The following SPECC1 variants were observed in gnomAD, a reference collection of about 807,000 sequenced individuals.
The protein encoded by SPECC1 is sperm antigen with calponin homology and coiled-coil domains 1.
SPECC1 carries 62 observed loss-of-function variants against 104.1 expected under a neutral mutation model. The observed-to-expected ratio is 0.60, with a 90% CI of 0.49 to 0.74. The LOEUF is 0.74. Among genes scored for constraint, SPECC1 ranks in the 30% least tolerant of loss-of-function variants. The probability of loss-of-function intolerance (pLI) is 0.00; values close to 1 mark genes in which losing one functional copy is unlikely to be tolerated. For missense variants in SPECC1, 1,306 were observed against 1,310.5 expected, an observed-to-expected ratio of 1.00 and a Z score of 0.05; for synonymous variants, 513 against 501.6, an observed-to-expected ratio of 1.02 and a Z score of -0.30.
chr17:20,263,495 G>A (rs2040106409), intron 12 of SPECC1, among the ~76,000 whole-genome samples: 1 of 151,244 alleles, frequency 6.6e-6, no homozygotes, highest in Admixed American at 6.6e-5. Flanking sequence ...TTGTGCAGAT[G>A]TACCATAGAA....
chr17:20,227,685 C>A (rs566056340), intron 5 of SPECC1, 65 bp downstream of exon 5: 167 of 1,468,288 alleles, frequency 1.1e-4, no homozygotes, highest in Non-Finnish European at 1.5e-4. Flanking sequence ...GAGGCTGAGG[C>A]AGGAGGATCA....
At chr17:20,218,316 A>G (rs1219306174) in intron 4 of SPECC1, among the ~76,000 whole-genome samples, 1 of 152,042 alleles carries the variant, frequency 6.6e-6, no homozygotes, top group African/African-American at 2.4e-5. Flanking sequence ...AGATTATGAA[A>G]CAGAGGCAGA....
chr17:20,031,475 A>G (rs1483948055), intron 1 of SPECC1, among the ~76,000 whole-genome samples: 2 of 152,126 alleles, frequency 1.3e-5, no homozygotes, highest in Non-Finnish European at 2.9e-5. Flanking sequence ...GCCCGCCACC[A>G]CACCCAGCTA....
intron 13 of SPECC1, among the ~76,000 whole-genome samples, chr17:20,304,891 A>G (rs2041712897): frequency 6.6e-6 from 1 of 152,072 alleles, no homozygotes. Flanking sequence ...TAGGACTTAA[A>G]AGCAACAGTC....
chr17:20,288,544 C>T (rs2041039598), intron 12 of SPECC1, among the ~76,000 whole-genome samples: 1 of 152,178 alleles, frequency 6.6e-6, no homozygotes. Context: ...TACCATGTCA[C>T]ACCAGCCAGA....
intron 12 of SPECC1, among the ~76,000 whole-genome samples, chr17:20,274,645 TA>T (rs923213080): frequency 6.6e-6 from 1 of 151,564 alleles, no homozygotes; most frequent in Non-Finnish European, 1.5e-5. Context: ...CACACCTGGC[TA>T]ATTTTTTGTG....
chr17:20,086,743 C>T (rs2047193751), intron 1 of SPECC1, among the ~76,000 whole-genome samples: 1 of 152,132 alleles, frequency 6.6e-6, no homozygotes, highest in African/African-American at 2.4e-5. Context: ...TGGAGGGTCC[C>T]TTTTTTGCGT....
Position 20,194,506 on chromosome 17 carries a change from T to A in SPECC1, c.284-9827T>A, listed in dbSNP as rs1002824604. Among the ~76,000 whole-genome samples the A allele has an allele frequency of 3.3e-4, 40 of 120,634 alleles. 5 individuals carry two copies. Among genetic ancestry groups the A allele is most frequent in the South Asian group, 2.2e-3 (7 of 3,214 alleles). The allele number at this position is 120,634 out of a possible 152,430, so 79.1% of individuals were successfully genotyped here. A position where few individuals can be genotyped will look rare whatever the true frequency, so the allele number is the denominator to read the frequency against. On this transcript the variant is annotated intron_variant, in intron 3 of 14. Coordinates refer to ENST00000395527, the MANE Select transcript of SPECC1 (RefSeq NM_001243439.2). ...TTCTGTTAGAAAAGAGAACGAATTTTTTTTTTTTTTTTTTTTTTTGAGACA... is the reference window on the plus strand; with the variant it reads ...TTCTGTTAGAAAAGAGAACGAATTTATTTTTTTTTTTTTTTTTTTGAGACA...
intron 3 of SPECC1, among the ~76,000 whole-genome samples, chr17:20,135,940 C>G (rs2029908862): frequency 6.6e-6 from 1 of 152,134 alleles, no homozygotes; most frequent in Admixed American, 6.6e-5. Context: ...TGACCTTAAG[C>G]AAATTAACCT....
chr17:20,069,298 T>C (rs922115156), intron 1 of SPECC1, among the ~76,000 whole-genome samples: 4 of 152,264 alleles, frequency 2.6e-5, no homozygotes, highest in Non-Finnish European at 5.9e-5. Flanking sequence ...TTCTTTTTTA[T>C]GGCTGCATGT....
At chr17:20,179,641 G>A (rs1042823747) in intron 3 of SPECC1, among the ~76,000 whole-genome samples, 4 of 152,180 alleles carry the variant, frequency 2.6e-5, no homozygotes, top group East Asian at 1.9e-4. Context: ...ATAATTCAGC[G>A]AACCAGGGCA....
intron 3 of SPECC1, among the ~76,000 whole-genome samples, chr17:20,116,989 A>C (rs1479681415): frequency 1.3e-5 from 2 of 151,776 alleles, no homozygotes; most frequent in East Asian, 1.9e-4. Flanking sequence ...TAGCAGAATA[A>C]ATATTCTAGA....
chr17:20,316,743 C>A lies in SPECC1; in HGVS notation c.*2678C>A. On this transcript the variant is annotated 3_prime_UTR_variant, in exon 15 of 15. Coordinates refer to ENST00000395527, the MANE Select transcript of SPECC1 (RefSeq NM_001243439.2). ...ACAGAGTCTTGCTCTGTCGCCCAGG[C>A]TGGAGTGCCAGTGGCGCGATTTCAG... 1 of 195,832 alleles carries A rather than the reference C, an allele frequency of 5.1e-6. No homozygotes were observed. The highest frequency in any genetic ancestry group is 1.1e-5 in the Non-Finnish European group (1 of 94,266). 12.1% of individuals were successfully genotyped at this position (195,832 alleles called of 1,614,324 possible).
At position 20,317,081 on chromosome 17, in the gene SPECC1, G is replaced by C. The variant is rs2042050666; in HGVS notation, c.*3016G>C. The C allele has an allele frequency of 5.3e-6, 1 of 186,922 alleles. No individual in the cohort carries two copies. The highest frequency in any genetic ancestry group is 8.5e-5 in the East Asian group (1 of 11,796). The allele number at this position is 186,922 out of a possible 1,614,324, so 11.6% of individuals were successfully genotyped here. Reference sequence around the variant, plus strand: ...TTTTTTTTTTTTTTATTTGCCAGTGGTGTGCATGTAGAAGAGGAATGCCAT... The same window carrying C: ...TTTTTTTTTTTTTTATTTGCCAGTGCTGTGCATGTAGAAGAGGAATGCCAT... On this transcript the variant is annotated 3_prime_UTR_variant, in exon 15 of 15. Transcript: ENST00000395527.
rs2038638502 is a variant in SPECC1 at position 20,232,295 on chromosome 17, C to G, written c.2241C>G (p.Arg747=). ...AGTGTGAGGCCCAGCAGGAGCTGCG[C>G]ACCGTGAAGAGGAAACTGCTGGAGG... The part of the protein sequence containing the change: ...DIKCEAQQEL[R]TVKRKLLEEE... Residue 747 remains arginine, a synonymous_variant, in exon 7 of 15, where the codon CGC becomes CGG. Transcript: ENST00000395527. 1 of 1,614,046 alleles carries G rather than the reference C, an allele frequency of 6.2e-7. No homozygotes were observed. Among genetic ancestry groups the G allele is most frequent in the Non-Finnish European group, 8.5e-7 (1 of 1,180,046 alleles).
At chr17:20,080,749 A>G (rs1264828642) in intron 1 of SPECC1, among the ~76,000 whole-genome samples, 7 of 152,096 alleles carry the variant, frequency 4.6e-5, no homozygotes, top group South Asian at 2.1e-4. Context: ...GCGAGCCCTT[A>G]CTGCATGGGA....
rs1176063959 is a variant in SPECC1, at chr17:20,288,606, G to GA, written c.2941-8350dup. Among the ~76,000 whole-genome samples, 7 of 152,224 alleles carry GA rather than the reference G, an allele frequency of 4.6e-5. No homozygotes were observed. The East Asian group carries it at 1.4e-3, about 29-fold the overall frequency. On this transcript the variant is annotated intron_variant, in intron 12 of 14. Transcript: ENST00000395527. ...CAACAGATGCTGGCGAGGTTGCAGA[G>GA]AAAAATGAACACTTTTTTTTCTTTT...
chr17:20,238,008 C>T, intron 7 of SPECC1: 1 of 1,016,070 alleles, frequency 9.8e-7, no homozygotes, highest in East Asian at 6.6e-5. Flanking sequence ...TCCCAAAGTG[C>T]TGGGATTACA....
chr17:20,185,434 A>G (rs1270768030), intron 3 of SPECC1, among the ~76,000 whole-genome samples: 1 of 152,198 alleles, frequency 6.6e-6, no homozygotes, highest in East Asian at 1.9e-4. Context: ...TGAGGCTACC[A>G]TGCTGGGGAG....
Sources: gnomAD v4.1 joint callset for allele counts (sites outside exome capture counted in the v4.1 genomes callset) on GRCh38, gnomAD v4.1.1 for gene constraint, MANE v1.5 for transcripts, NCBI Gene and HGNC (gene_info 2026-07-23, HGNC 2026-07-21) for gene names.